LRRTM4: variants seen among roughly 807,000 people sequenced by gnomAD.
LRRTM4 encodes the protein leucine rich repeat transmembrane neuronal 4.
In LRRTM4, 25 loss-of-function variants were observed where a neutral mutation model predicts 47.6. That is an observed-to-expected ratio of 0.53 (90% CI 0.38 to 0.73). The LOEUF (loss-of-function observed/expected upper bound fraction) is 0.73, where lower values mean the gene tolerates loss of function less well. Among genes scored for constraint, LRRTM4 ranks in the 30% least tolerant of loss-of-function variants. LRRTM4 has a pLI of 0.00. For missense variants in LRRTM4, 638 were observed against 713.4 expected (o/e 0.89, Z 1.20); for synonymous variants, 311 against 269.5 (o/e 1.15, Z -1.51).
chr2:76,945,034 C>A (rs1675277478), intron 3 of LRRTM4, among the ~76,000 whole-genome samples: 1 of 152,012 alleles, frequency 6.6e-6, no homozygotes, highest in African/African-American at 2.4e-5. Context: ...GGACCCGAAT[C>A]TGAGGATTCA....
At chr2:77,306,563 T>G (rs966160592) in intron 3 of LRRTM4, among the ~76,000 whole-genome samples, 1 of 152,184 alleles carries the variant, frequency 6.6e-6, no homozygotes, top group Non-Finnish European at 1.5e-5. Flanking sequence ...TATAAATCCT[T>G]AATATCGCTC....
At chr2:77,305,599 T>G (rs1330618802) in intron 3 of LRRTM4, among the ~76,000 whole-genome samples, 1 of 152,150 alleles carries the variant, frequency 6.6e-6, no homozygotes, top group Non-Finnish European at 1.5e-5. Flanking sequence ...GGCATAGTCC[T>G]AAAACTCAAT....
intron 3 of LRRTM4, among the ~76,000 whole-genome samples, chr2:77,209,077 C>G (rs899921324): frequency 3.3e-5 from 5 of 152,132 alleles, no homozygotes; most frequent in Admixed American, 6.5e-5. Flanking sequence ...CACCAGCGCT[C>G]TCTCCTCACA....
intron 3 of LRRTM4, among the ~76,000 whole-genome samples, chr2:77,478,616 AC>A (rs1456309522): frequency 6.6e-6 from 1 of 152,220 alleles, no homozygotes; most frequent in African/African-American, 2.4e-5. Flanking sequence ...TCTTTTGTAC[AC>A]ATGCACTGGT....
At chr2:77,014,325 AATTAAAT>A (rs898520673) in intron 3 of LRRTM4, among the ~76,000 whole-genome samples, 1 of 152,058 alleles carries the variant, frequency 6.6e-6, no homozygotes, top group Non-Finnish European at 1.5e-5. Context: ...TCACATTGTA[AATTAAAT>A]ATTAATTTAT....
At chr2:76,812,776 C>CCTCTCCCTCCCCCCTT (rs1553413542) in intron 3 of LRRTM4, among the ~76,000 whole-genome samples, 1 of 85,636 alleles carries the variant, frequency 1.2e-5, no homozygotes, top group Non-Finnish European at 2.1e-5. Flanking sequence ...CTCTCCCTCC[C>CCTCTCCCTCCCCCCTT]CCTCCTCCTC....
chr2:77,453,182 T>C (rs1425526858), intron 3 of LRRTM4, among the ~76,000 whole-genome samples: 1 of 141,886 alleles, frequency 7.0e-6, no homozygotes, highest in Admixed American at 7.0e-5. Flanking sequence ...CTTGATTTTT[T>C]TTTTTTTTTT....
At chr2:76,847,136 C>A (rs1463811202) in intron 3 of LRRTM4, among the ~76,000 whole-genome samples, 1 of 152,112 alleles carries the variant, frequency 6.6e-6, no homozygotes, top group Non-Finnish European at 1.5e-5. Flanking sequence ...AAAAAGGAAT[C>A]ATTTTTACAA....
intron 3 of LRRTM4, among the ~76,000 whole-genome samples, chr2:77,468,087 C>T (rs1677048019): frequency 1.3e-5 from 2 of 151,988 alleles, no homozygotes; most frequent in African/African-American, 4.8e-5. Context: ...TACAAATATC[C>T]ATCATGGACT....
At chr2:77,366,038 AGATT>A in intron 3 of LRRTM4, among the ~76,000 whole-genome samples, 1 of 151,592 alleles carries the variant, frequency 6.6e-6, no homozygotes, top group East Asian at 1.9e-4. Context: ...AAAATATGCC[AGATT>A]GATGTATTTC....
Position 76,977,687 on chromosome 2 carries a change from G to A in LRRTM4, c.1552-228771C>T, listed in dbSNP as rs144273125. ...TTAGTTCTTTTAAAATATTGATGAC[G>A]TTTATACTAGGAAAATGTGACATTT... is the stretch of plus-strand genomic sequence containing the variant. On this transcript the variant is annotated intron_variant, in intron 3 of 3. Coordinates refer to ENST00000409884, the MANE Select transcript of LRRTM4 (RefSeq NM_001134745.3). Among the ~76,000 whole-genome samples, 531 of 151,898 alleles carry A rather than the reference G, an allele frequency of 3.5e-3. 4 individuals carry two copies. Among genetic ancestry groups the A allele is most frequent in the African/African-American group, 0.011 (467 of 41,460 alleles).
intron 3 of LRRTM4, among the ~76,000 whole-genome samples, chr2:76,800,918 A>G (rs1376177758): frequency 6.6e-6 from 1 of 151,490 alleles, no homozygotes; most frequent in Non-Finnish European, 1.5e-5. Flanking sequence ...ATCAATGCTC[A>G]TCATCACTGG....
chr2:76,807,416 A>G (rs1292293790), intron 3 of LRRTM4, among the ~76,000 whole-genome samples: 2 of 85,256 alleles, frequency 2.3e-5, no homozygotes, highest in East Asian at 4.8e-4. Context: ...ACGTATATAT[A>G]TATATATACA....
chr2:77,515,296 A>T (rs146167266), intron 3 of LRRTM4, among the ~76,000 whole-genome samples: 31 of 152,020 alleles, frequency 2.0e-4, no homozygotes, highest in African/African-American at 7.2e-4. Flanking sequence ...TTTCAGAATT[A>T]AAACTTGCAA....
At chr2:77,128,558 C>G (rs975430614) in intron 3 of LRRTM4, among the ~76,000 whole-genome samples, 1 of 152,176 alleles carries the variant, frequency 6.6e-6, no homozygotes, top group Non-Finnish European at 1.5e-5. Flanking sequence ...TCTAGTAAAA[C>G]TATACAAAAT....
intron 3 of LRRTM4, among the ~76,000 whole-genome samples, chr2:77,399,545 T>C (rs534196632): frequency 5.9e-4 from 89 of 151,968 alleles, no homozygotes; most frequent in Non-Finnish European, 1.2e-3. Context: ...AAGAGACCTA[T>C]TGTACAATAT....
At chr2:77,108,029 A>T (rs946576861) in intron 3 of LRRTM4, among the ~76,000 whole-genome samples, 2 of 152,022 alleles carry the variant, frequency 1.3e-5, no homozygotes, top group East Asian at 1.9e-4. Flanking sequence ...AAAATTCATT[A>T]AAAAAACTGA....
chr2:76,754,937 G>A (rs922645081), intron 3 of LRRTM4, among the ~76,000 whole-genome samples: 2 of 152,098 alleles, frequency 1.3e-5, no homozygotes, highest in African/African-American at 4.8e-5. Flanking sequence ...AGCAAAGTCC[G>A]CAAAAGACCC....
intron 3 of LRRTM4, among the ~76,000 whole-genome samples, chr2:77,079,261 T>A (rs13387394): frequency 0.15 from 23,123 of 152,256 alleles, 2,609 homozygotes; most frequent in East Asian, 0.42. Context: ...AGGGTTAGAA[T>A]TTTAAATGCA....
Sources: allele counts gnomAD v4.1 joint callset (sites outside exome capture counted in the v4.1 genomes callset), GRCh38; gene constraint gnomAD v4.1.1; transcripts MANE v1.5; gene names NCBI Gene and HGNC (gene_info 2026-07-23, HGNC 2026-07-21).